The following LOC101059915 variants were observed in gnomAD, a reference collection of about 807,000 sequenced individuals.
the LOC101059915 span, chrX:71,670,680 G>A: frequency 9.0e-7 from 1 of 1,116,256 alleles, no homozygotes; most frequent in Non-Finnish European, 1.2e-6. Context: ...ACTGGCTGGG[G>A]CAGGGATGGA....
the LOC101059915 span, chrX:71,668,753 C>T: frequency 1.1e-4 from 116 of 1,070,698 alleles, no homozygotes; most frequent in Admixed American, 2.1e-4. Flanking sequence ...CCCCGGGGCA[C>T]TCTGGGAAGG....
the LOC101059915 span, among the ~76,000 whole-genome samples, chrX:71,669,394 A>G: frequency 9.0e-6 from 1 of 110,607 alleles, no homozygotes; most frequent in Non-Finnish European, 1.9e-5. Flanking sequence ...CAACTTCCCA[A>G]TTCCTCCTTC....
At chrX:71,671,325 G>A in the LOC101059915 span, 2 of 1,032,785 alleles carry the variant, frequency 1.9e-6, no homozygotes, top group Non-Finnish European at 2.6e-6. Context: ...CTGGCTGGGG[G>A]CCCATCCCTG....
the LOC101059915 span, chrX:71,669,478 C>A: frequency 4.8e-6 from 4 of 829,095 alleles, no homozygotes; most frequent in Admixed American, 1.6e-4. Flanking sequence ...AGTCTGGGGT[C>A]TCCACCTTAA....
the LOC101059915 span, chrX:71,670,516 TG>T: frequency 9.3e-7 from 1 of 1,076,334 alleles, no homozygotes; most frequent in Non-Finnish European, 1.2e-6. Flanking sequence ...CTGCAGGCTA[TG>T]GGGGCTATAA....
At chrX:71,667,715 G>T in the LOC101059915 span, 1 of 916,007 alleles carries the variant, frequency 1.1e-6, no homozygotes. Context: ...GGCCCCCTCG[G>T]CTGGGCTTGG....
At chrX:71,669,726 C>T in the LOC101059915 span, 22 of 975,091 alleles carry the variant, frequency 2.3e-5, no homozygotes, top group South Asian at 7.7e-4. Flanking sequence ...GTGAGTCTTG[C>T]GGGTTTGATA....
At chrX:71,668,217 C>T in the LOC101059915 span, 6 of 1,117,436 alleles carry the variant, frequency 5.4e-6, no homozygotes, top group Non-Finnish European at 7.0e-6. Flanking sequence ...TCTGGGCGGA[C>T]CTGGAGGTCG....
At chrX:71,668,252 GCC>G in the LOC101059915 span, 1 of 1,127,464 alleles carries the variant, frequency 8.9e-7, no homozygotes, top group Non-Finnish European at 1.2e-6. Context: ...GGTGCGCTGA[GCC>G]CCAGCCCTGG....
the LOC101059915 span, among the ~76,000 whole-genome samples, chrX:71,669,359 G>A: frequency 3.6e-5 from 4 of 111,101 alleles, no homozygotes; most frequent in South Asian, 3.8e-4. Context: ...GGATCAGGGC[G>A]CAAAGCTTGG....
the LOC101059915 span, chrX:71,670,207 C>T: frequency 2.2e-5 from 26 of 1,159,608 alleles, no homozygotes; most frequent in East Asian, 9.8e-5. Context: ...CTGCTACGCC[C>T]TTTCCACCTC....
the LOC101059915 span, chrX:71,668,604 C>T: frequency 1.1e-5 from 12 of 1,088,828 alleles, no homozygotes; most frequent in African/African-American, 1.9e-5. Flanking sequence ...TCTCTCCTCC[C>T]CGCAGACTCA....
At chrX:71,670,610 A>G in the LOC101059915 span, 1 of 1,103,267 alleles carries the variant, frequency 9.1e-7, no homozygotes, top group Non-Finnish European at 1.2e-6. Context: ...CTCCTGGGCT[A>G]GTGCATCTTG....
the LOC101059915 span, chrX:71,667,914 C>T: frequency 9.7e-6 from 11 of 1,129,468 alleles, no homozygotes; most frequent in South Asian, 8.7e-5. Context: ...GTGACGGCCA[C>T]GGCCGAGACC....
the LOC101059915 span, chrX:71,667,736 C>T: frequency 5.2e-6 from 5 of 967,345 alleles, no homozygotes; most frequent in African/African-American, 2.0e-5. Context: ...CTGGGCTCGG[C>T]TCTCCTCTCC....
the LOC101059915 span, chrX:71,667,915 G>A: frequency 8.1e-3 from 9,100 of 1,129,174 alleles, 39 homozygotes; most frequent in Middle Eastern, 0.018. Context: ...TGACGGCCAC[G>A]GCCGAGACCT....
chrX:71,669,758 C>T, the LOC101059915 span: 978 of 952,537 alleles, frequency 1.0e-3, no homozygotes, highest in Admixed American at 1.8e-3. Flanking sequence ...GAGAGGGGTC[C>T]GGAGGGAAAC....
the LOC101059915 span, chrX:71,670,607 G>A: frequency 9.1e-7 from 1 of 1,103,100 alleles, no homozygotes; most frequent in East Asian, 3.3e-5. Flanking sequence ...TGTCTCCTGG[G>A]CTAGTGCATC....
At chrX:71,667,619 G>A in the LOC101059915 span, 2 of 337,976 alleles carry the variant, frequency 5.9e-6, no homozygotes, top group Non-Finnish European at 9.5e-6. Flanking sequence ...GGGTGGCGGT[G>A]TCCCAAAGGC....
Sources: allele counts gnomAD v4.1 joint callset (sites outside exome capture counted in the v4.1 genomes callset), GRCh38; gene constraint gnomAD v4.1.1; transcripts MANE v1.5.